The following ADAMTS19 variants were observed in gnomAD, a reference collection of about 807,000 sequenced individuals.
ADAMTS19 encodes A disintegrin and metalloproteinase with thrombospondin motifs 19.
Under a neutral mutation model 153.3 loss-of-function variants are expected in ADAMTS19, and 93 were observed. That is an observed-to-expected ratio of 0.61 (90% confidence interval 0.51 to 0.72). The LOEUF is 0.72. Ranked by LOEUF, ADAMTS19 falls within the 30% of genes least tolerant of loss-of-function variation. The probability of loss-of-function intolerance (pLI) is 0.00; values close to 1 mark genes in which losing one functional copy is unlikely to be tolerated. For synonymous variants in ADAMTS19, 600 were observed against 556.6 expected, an observed-to-expected ratio of 1.08 and a Z score of -1.10; for missense variants, 1,482 against 1,552.1, an observed-to-expected ratio of 0.95 and a Z score of 0.76.
rs1039924926 is a variant in ADAMTS19 at position 129,703,270 on chromosome 5, A to T, written c.3160-969A>T. 8.6e-5 allele frequency among the ~76,000 whole-genome samples: 13 copies of T among 151,770 alleles called. No homozygotes were observed. In the East Asian group the frequency reaches 1.8e-3, roughly 20 times the overall value. ...GGAGGATAAATGTAAATGAGAGAAG[A>T]GATTGCACCTAGAGAAAATTAGTGG... is the stretch of plus-strand genomic sequence containing the variant. On this transcript the variant is annotated intron_variant, in intron 20 of 22. Coordinates refer to ENST00000274487, the MANE Select transcript of ADAMTS19 (RefSeq NM_133638.6).
intron 7 of ADAMTS19, among the ~76,000 whole-genome samples, chr5:129,564,688 A>G (rs1488507137): frequency 6.6e-6 from 1 of 152,212 alleles, no homozygotes; most frequent in Non-Finnish European, 1.5e-5. Context: ...AGTGATGAAC[A>G]AAAGCATATT....
At chr5:129,596,515 C>A in intron 7 of ADAMTS19, 44 bp from the exon 8 acceptor site, 1 of 1,270,644 alleles carries the variant, frequency 7.9e-7, no homozygotes, top group Non-Finnish European at 1.1e-6. Flanking sequence ...TAAATATTTG[C>A]ATATTCATTC....
At chr5:129,658,387 A>AAGGT (rs1174926904) in intron 14 of ADAMTS19, among the ~76,000 whole-genome samples, 3 of 147,144 alleles carry the variant, frequency 2.0e-5, no homozygotes, top group Non-Finnish European at 4.5e-5. Context: ...GGAAGGAAGG[A>AAGGT]AGGTAGGTAG....
intron 6 of ADAMTS19, among the ~76,000 whole-genome samples, chr5:129,541,700 A>C (rs1190345327): frequency 6.6e-6 from 1 of 151,930 alleles, no homozygotes; most frequent in Non-Finnish European, 1.5e-5. Flanking sequence ...AGCCTATTTT[A>C]TTTATCTCTG....
chr5:129,469,931 A>G (rs1750006995), intron 2 of ADAMTS19, among the ~76,000 whole-genome samples: 1 of 152,180 alleles, frequency 6.6e-6, no homozygotes, highest in African/African-American at 2.4e-5. Flanking sequence ...GGATTATGAG[A>G]GGGGCAATAT....
chr5:129,697,619 C>T (rs937868750), intron 19 of ADAMTS19, among the ~76,000 whole-genome samples: 1 of 152,202 alleles, frequency 6.6e-6, no homozygotes. Flanking sequence ...TTTCATGATA[C>T]AGAGTAGTAA....
At chr5:129,603,139 T>C (rs1425016107) in intron 8 of ADAMTS19, among the ~76,000 whole-genome samples, 1 of 152,056 alleles carries the variant, frequency 6.6e-6, no homozygotes, top group Non-Finnish European at 1.5e-5. Flanking sequence ...AAATCAGTAA[T>C]AAAAAGAGTT....
chr5:129,594,395 A>G (rs1309901197), intron 7 of ADAMTS19, among the ~76,000 whole-genome samples: 1 of 152,166 alleles, frequency 6.6e-6, no homozygotes, highest in Non-Finnish European at 1.5e-5. Context: ...GGTGAAAAAA[A>G]GTGGCAAAAT....
chr5:129,649,515 G>C (rs547327293), intron 13 of ADAMTS19, among the ~76,000 whole-genome samples: 1 of 152,246 alleles, frequency 6.6e-6, no homozygotes, highest in East Asian at 1.9e-4. Context: ...AAATTATAGA[G>C]ATGGAAAACA....
At chr5:129,659,152 T>C (rs1753719590) in intron 15 of ADAMTS19, among the ~76,000 whole-genome samples, 1 of 152,188 alleles carries the variant, frequency 6.6e-6, no homozygotes, top group South Asian at 2.1e-4. Flanking sequence ...TTAATGTTTT[T>C]GCTACATTAT....
chr5:129,512,282 A>C (rs1188677836), intron 3 of ADAMTS19, among the ~76,000 whole-genome samples: 1 of 152,054 alleles, frequency 6.6e-6, no homozygotes, highest in Non-Finnish European at 1.5e-5. Context: ...ACTAGTTCCC[A>C]TACTCCAACC....
chr5:129,713,018 T>C (rs544542792), intron 21 of ADAMTS19, among the ~76,000 whole-genome samples: 1 of 152,344 alleles, frequency 6.6e-6, no homozygotes, highest in Non-Finnish European at 1.5e-5. Context: ...ACTATTAAAA[T>C]AATACTTTTG....
chr5:129,525,162 G>T (rs1327845471), intron 3 of ADAMTS19, among the ~76,000 whole-genome samples: 1 of 152,096 alleles, frequency 6.6e-6, no homozygotes, highest in Non-Finnish European at 1.5e-5. Flanking sequence ...TCTGATGGCT[G>T]TATGTTTTAG....
At chr5:129,701,627 C>A in intron 20 of ADAMTS19, 35 bp downstream of exon 20, 1 of 1,606,246 alleles carries the variant, frequency 6.2e-7, no homozygotes, top group Admixed American at 1.7e-5. Context: ...CCCATTCCTA[C>A]TCTGACTCCT....
intron 6 of ADAMTS19, among the ~76,000 whole-genome samples, chr5:129,542,073 A>G (rs1752671609): frequency 1.3e-5 from 2 of 152,110 alleles, no homozygotes; most frequent in Admixed American, 1.3e-4. Flanking sequence ...GTTTTGAGCC[A>G]CAGAGACCAA....
chr5:129,647,483 C>T (rs1400533745), intron 11 of ADAMTS19, among the ~76,000 whole-genome samples: 1 of 151,972 alleles, frequency 6.6e-6, no homozygotes, highest in African/African-American at 2.4e-5. Context: ...GATTCCCTAC[C>T]CATAATCTTT....
chr5:129,521,045 T>C (rs1362884499), intron 3 of ADAMTS19, among the ~76,000 whole-genome samples: 1 of 152,174 alleles, frequency 6.6e-6, no homozygotes, highest in African/African-American at 2.4e-5. Context: ...CAGTTTTCTC[T>C]TTTACAAAGG....
At chr5:129,613,179 A>C (rs1028945853) in intron 8 of ADAMTS19, among the ~76,000 whole-genome samples, 1 of 152,182 alleles carries the variant, frequency 6.6e-6, no homozygotes, top group African/African-American at 2.4e-5. Flanking sequence ...GTGCTGCACA[A>C]GTGGACCTAA....
Position 129,461,633 on chromosome 5 carries a change from G to GCCCCGA in ADAMTS19, c.627_628insGACCCC (p.Pro209_Thr210insAspPro), listed in dbSNP as rs751463509. ...GAACAGCGGCCAAATCCCGGCCCCG[G>GCCCCGA]CCCCACGGGGGCAGCATCCGCCCCG... On this transcript the variant is annotated inframe_insertion, in exon 2 of 23. Transcript: ENST00000274487. The surrounding 1 kb of genome is among the most constrained non-coding windows in gnomAD (Gnocchi z 4.6). 6.3e-7 allele frequency: 1 copy of GCCCCGA among 1,594,228 alleles called. No homozygotes were observed. The highest frequency in any genetic ancestry group is 1.1e-5 in the South Asian group (1 of 90,462).
Sources: gnomAD v4.1 joint callset for allele counts (sites outside exome capture counted in the v4.1 genomes callset) on GRCh38, gnomAD v4.1.1 for gene constraint, Gnocchi (gnomAD v3.1) non-coding constraint, MANE v1.5 for transcripts, NCBI Gene and HGNC (gene_info 2026-07-23, HGNC 2026-07-21) for gene names.